POGZ: variants seen among roughly 807,000 people sequenced by gnomAD.
POGZ encodes the protein pogo transposable element derived with ZNF domain.
In POGZ, 17 loss-of-function variants were observed where a neutral mutation model predicts 134.6. The observed-to-expected ratio is 0.13, with a 90% CI of 0.09 to 0.19. POGZ has a LOEUF of 0.19. POGZ is among the 10% of genes least tolerant of loss of function. POGZ has a pLI of 1.00. For synonymous variants in POGZ, 693 were observed against 657.1 expected (o/e 1.05, Z -0.84); for missense variants, 1,306 against 1,769.7 (o/e 0.74, Z 4.70).
At chr1:151,451,554 G>A (rs1047499392) in intron 1 of POGZ, among the ~76,000 whole-genome samples, 3 of 151,508 alleles carry the variant, frequency 2.0e-5, no homozygotes, top group Admixed American at 6.7e-5. Context: ...TTCAACTCCT[G>A]ACCTCAGGTG....
intron 10 of POGZ, among the ~76,000 whole-genome samples, chr1:151,421,370 G>C (rs1003629699): frequency 1.4e-5 from 2 of 139,480 alleles, no homozygotes; most frequent in African/African-American, 2.7e-5. Context: ...ATTCAAGAAA[G>C]AAAAATTGAG....
At chr1:151,431,352 T>C (rs748428127) in intron 3 of POGZ, among the ~76,000 whole-genome samples, 2 of 152,174 alleles carry the variant, frequency 1.3e-5, no homozygotes, top group Non-Finnish European at 2.9e-5. Context: ...GAACAAAATA[T>C]GTTAAGTCTT....
chr1:151,458,412 G>C (rs937392688), intron 1 of POGZ, among the ~76,000 whole-genome samples: 1 of 152,050 alleles, frequency 6.6e-6, no homozygotes, highest in African/African-American at 2.4e-5. Flanking sequence ...CGAGGGAGGA[G>C]ACTTCGTAAA....
chr1:151,437,757 A>C (rs1019102780), intron 3 of POGZ, among the ~76,000 whole-genome samples: 1 of 152,214 alleles, frequency 6.6e-6, no homozygotes, highest in African/African-American at 2.4e-5. Flanking sequence ...GTCTCAAAAA[A>C]ACAAACGTTA....
Position 151,442,506 on chromosome 1 carries a change from T to TA in POGZ, c.-1-302dup, listed in dbSNP as rs199812433. 200 of 201,502 alleles carry TA rather than the reference T, an allele frequency of 9.9e-4. 5 individuals are homozygous for TA. In the East Asian group the frequency reaches 0.021, roughly 21 times the overall value. The allele number at this position is 201,502 out of a possible 1,614,324, so 12.5% of individuals were successfully genotyped here. A position where few individuals can be genotyped will look rare whatever the true frequency, so the allele number is the denominator to read the frequency against. ...AGGTGGATCACCTGAGGTTGGGAGT[T>TA]AGAGAACCAGACTGGCCAACATGGC... is the stretch of plus-strand genomic sequence containing the variant. On this transcript the variant is annotated intron_variant, in intron 1 of 18. Coordinates refer to ENST00000271715, the MANE Select transcript of POGZ (RefSeq NM_015100.4).
At chr1:151,411,268 A>G (rs1336699296) in intron 12 of POGZ, among the ~76,000 whole-genome samples, 1 of 152,206 alleles carries the variant, frequency 6.6e-6, no homozygotes, top group South Asian at 2.1e-4. Flanking sequence ...TGCCTTGGGC[A>G]CACTGTTCTT....
Position 151,408,725 on chromosome 1 carries a change from T to C in POGZ, c.2030A>G (p.Lys677Arg). The C allele has an allele frequency of 1.2e-6, 2 of 1,614,114 alleles. No homozygotes were observed. The highest frequency in any genetic ancestry group is 1.7e-6 in the Non-Finnish European group (2 of 1,180,010). ...LQHHKTFRKP[K>R]QLEGLKPGTK... ...GCCTGGTTTCAAGCCCTCCAGCTGC[T>C]TGGGTTTACGGAAGGTTTTATGGTG... Residue 677 changes from lysine to arginine, a missense_variant, in exon 13 of 19, where the codon AAG (lysine) becomes AGG (arginine). Physicochemically the swap from Lys to Arg is conservative, Grantham distance 26. Coordinates refer to ENST00000271715, the MANE Select transcript of POGZ (RefSeq NM_015100.4).
Position 151,405,009 on chromosome 1 carries a change from A to G in POGZ, c.4026T>C (p.Asn1342=). ...CAATTAGCTCCTCCTGCATGTCAGC[A>G]TTTCTTGTAGGTGAGTTAATGTTGC... ...PDGNINSPTR[N]ADMQEELIAS... Residue 1342 remains asparagine (N), a synonymous_variant, in exon 19 of 19, where the codon AAT becomes AAC. Transcript: ENST00000271715. This position sits in a 1 kb window ranked among gnomAD's most constrained non-coding sequence, Gnocchi z 4.9. 1 of 1,614,166 alleles carries G rather than the reference A, an allele frequency of 6.2e-7. No individual in the cohort carries two copies. The highest frequency in any genetic ancestry group is 1.3e-5 in the African/African-American group (1 of 75,026).
intron 1 of POGZ, among the ~76,000 whole-genome samples, chr1:151,449,667 T>C (rs1384660613): frequency 2.0e-5 from 3 of 151,978 alleles, no homozygotes; most frequent in Non-Finnish European, 4.4e-5. Context: ...GAGGCCGAGG[T>C]GGGCGGATCA....
At chr1:151,423,837 G>GC in intron 9 of POGZ, 112 bp downstream of exon 9, 1 of 799,652 alleles carries the variant, frequency 1.3e-6, no homozygotes, top group Non-Finnish European at 1.9e-6. Flanking sequence ...GATAACCCCA[G>GC]CAAGACTGCA....
chr1:151,430,905 TTTA>T (rs1462835011), intron 3 of POGZ, 64 bp from the exon 4 acceptor site: 48 of 11,028 alleles, frequency 4.4e-3, no homozygotes, highest in Admixed American at 0.011. Context: ...CACATTTTAC[TTTA>T]TTTTATTTTA....
At position 151,425,295 on chromosome 1, in the gene POGZ, T is replaced by TG. The variant is rs1159975997; in HGVS notation, c.1079-235dup. 3 of 379,940 alleles carry TG rather than the reference T, an allele frequency of 7.9e-6. No individual in the cohort carries two copies. In the Admixed American group the frequency reaches 1.1e-4, roughly 14 times the overall value. 23.5% of individuals were successfully genotyped at this position (379,940 alleles called of 1,614,324 possible). A position where few individuals can be genotyped will look rare whatever the true frequency, so the allele number is the denominator to read the frequency against. ...CAGCTCACTGCAGCCTTGACCTCCC[T>TG]GGGCTCAAGATCACTATGTTTGAGG... On this transcript the variant is annotated intron_variant, in intron 7 of 18. Coordinates refer to ENST00000271715, the MANE Select transcript of POGZ (RefSeq NM_015100.4).
At chr1:151,420,952 C>G (rs2495380) in intron 10 of POGZ, among the ~76,000 whole-genome samples, 23,593 of 149,252 alleles carry the variant, frequency 0.16, 2,148 homozygotes, top group East Asian at 0.34. Flanking sequence ...CATGAAACCT[C>G]AGATAGTATT....
chr1:151,405,301 G>A lies in POGZ; in HGVS notation c.3734C>T (p.Ala1245Val), dbSNP rs968492343. ...LSEEVLAMLS[A>V]SSTLPAVVPA... Reference sequence around the variant, plus strand: ...GACCACTGCAGGCAAAGTGCTAGAGGCACTAAGCATAGCCAGTACCTCTTC... The same window carrying A: ...GACCACTGCAGGCAAAGTGCTAGAGACACTAAGCATAGCCAGTACCTCTTC... The change falls in exon 19 of 19, where the codon GCC becomes GTC. Residue 1245 changes from alanine (A) to valine (V), a missense_variant. Coordinates refer to ENST00000271715, the MANE Select transcript of POGZ (RefSeq NM_015100.4). The surrounding 1 kb of genome is among the most constrained non-coding windows in gnomAD (Gnocchi z 4.9). The A allele has an allele frequency of 1.2e-6, 2 of 1,614,092 alleles. No homozygotes were observed. The highest frequency in any genetic ancestry group is 2.7e-5 in the African/African-American group (2 of 74,936).
chr1:151,411,784 G>A lies in POGZ; in HGVS notation c.1780-13C>T. 6.2e-7 allele frequency: 1 copy of A among 1,603,346 alleles called. No individual in the cohort carries two copies. ...GATATTGACACACCTGAGTCACATAGGAGGGAAAATAAGGCTAAGAATGAA... is the reference window on the plus strand; with the variant it reads ...GATATTGACACACCTGAGTCACATAAGAGGGAAAATAAGGCTAAGAATGAA... On this transcript the variant is annotated splice_polypyrimidine_tract_variant and intron_variant, in intron 11 of 18. Coordinates refer to ENST00000271715, the MANE Select transcript of POGZ (RefSeq NM_015100.4).
At chr1:151,452,585 AC>A (rs1662261192) in intron 1 of POGZ, among the ~76,000 whole-genome samples, 1 of 152,006 alleles carries the variant, frequency 6.6e-6, no homozygotes, top group Non-Finnish European at 1.5e-5. Context: ...TCATCCTGTC[AC>A]CAGGCGCAGT....
Position 151,423,475 on chromosome 1 carries a change from G to C in POGZ, c.1600C>G (p.His534Asp). The part of the protein sequence containing the change: ...GEVDGHTICQ[H>D]CYRQFSTPFQ... ...GGAGTGGAAAACTGGCGGTAACAGT[G>C]CTGGCAGATAGTGTGACCATCTACC... The change falls in exon 10 of 19, where the codon CAC (histidine) becomes GAC (aspartate). Residue 534 changes from histidine to aspartate, a missense_variant. Physicochemically the swap from His to Asp is moderately conservative, Grantham distance 81. This residue lies in a region of POGZ where 541 missense variants were observed against 680.5 expected (regional missense o/e 0.80). Transcript: ENST00000271715. The C allele has an allele frequency of 6.2e-7, 1 of 1,613,678 alleles. No individual in the cohort carries two copies.
At chr1:151,451,527 T>C (rs1273854981) in intron 1 of POGZ, among the ~76,000 whole-genome samples, 1 of 151,636 alleles carries the variant, frequency 6.6e-6, no homozygotes, top group Non-Finnish European at 1.5e-5. Flanking sequence ...GGTTTCATCA[T>C]GTTGGTCAGG....
chr1:151,415,503 T>C (rs1160333740), intron 10 of POGZ, among the ~76,000 whole-genome samples: 2 of 151,704 alleles, frequency 1.3e-5, no homozygotes, highest in Non-Finnish European at 2.9e-5. Context: ...ACCCCGTCTC[T>C]ACTAAAAATG....
Sources: allele counts gnomAD v4.1 joint callset (sites outside exome capture counted in the v4.1 genomes callset), GRCh38; gene constraint gnomAD v4.1.1; regional missense constraint gnomAD v4.1.1; non-coding constraint Gnocchi (gnomAD v3.1); transcripts MANE v1.5; gene names NCBI Gene and HGNC (gene_info 2026-07-23, HGNC 2026-07-21).